Variants in RANBP17 observed in about 807,000 individuals in gnomAD.
The protein encoded by RANBP17 is ran-binding protein 17.
RANBP17 carries 158 observed loss-of-function variants against 141.2 expected under a neutral mutation model. That is an observed-to-expected ratio of 1.12 (90% CI 0.98 to 1.28). The LOEUF (loss-of-function observed/expected upper bound fraction) is 1.28. Ranked by LOEUF, RANBP17 falls within the 50% of genes most tolerant of loss-of-function variation. RANBP17 has a pLI of 0.00. For missense variants in RANBP17, 1,438 were observed against 1,290.7 expected (o/e 1.11, Z -1.75); for synonymous variants, 430 against 450.0 (o/e 0.96, Z 0.56).
At chr5:170,972,816 GC>G (rs766436364) in intron 14 of RANBP17, among the ~76,000 whole-genome samples, 21 of 152,036 alleles carry the variant, frequency 1.4e-4, no homozygotes, top group Non-Finnish European at 2.9e-4. Context: ...CTCTCCCCCA[GC>G]CAGGGTAGGT....
intron 14 of RANBP17, among the ~76,000 whole-genome samples, chr5:171,120,178 C>G (rs1476507153): frequency 1.3e-5 from 2 of 152,130 alleles, no homozygotes; most frequent in Admixed American, 1.3e-4. Flanking sequence ...GTCTCTCTCT[C>G]TACGTGCTGA....
At chr5:170,985,722 A>T (rs999205628) in intron 14 of RANBP17, among the ~76,000 whole-genome samples, 6 of 152,174 alleles carry the variant, frequency 3.9e-5, no homozygotes, top group Non-Finnish European at 8.8e-5. Context: ...GAAGGATGTC[A>T]TGCTATTGTA....
At chr5:171,194,912 A>T (rs1761872196) in intron 18 of RANBP17, among the ~76,000 whole-genome samples, 1 of 152,232 alleles carries the variant, frequency 6.6e-6, no homozygotes, top group Non-Finnish European at 1.5e-5. Context: ...CAACATACTA[A>T]AACAGTTACT....
At chr5:171,003,781 A>G (rs1259457632) in intron 14 of RANBP17, among the ~76,000 whole-genome samples, 1 of 152,188 alleles carries the variant, frequency 6.6e-6, no homozygotes, top group South Asian at 2.1e-4. Context: ...AGCCCAGGTA[A>G]GCTACTGGGA....
intron 22 of RANBP17, among the ~76,000 whole-genome samples, chr5:171,224,502 T>C (rs1763776891): frequency 6.6e-6 from 1 of 152,240 alleles, no homozygotes; most frequent in South Asian, 2.1e-4. Flanking sequence ...AAAAGGATTC[T>C]CACAGAATAA....
At chr5:171,205,859 C>A in intron 20 of RANBP17, 1 of 570,538 alleles carries the variant, frequency 1.8e-6, no homozygotes, top group Non-Finnish European at 3.2e-6. Context: ...ATGACTTCCC[C>A]CAAATGATTG....
intron 13 of RANBP17, among the ~76,000 whole-genome samples, chr5:170,961,077 C>T (rs538751303): frequency 2.4e-4 from 25 of 102,742 alleles, no homozygotes; most frequent in African/African-American, 7.1e-4. Flanking sequence ...CACATGCTTT[C>T]CTTTTTGTCG....
chr5:171,217,190 C>T (rs1252498756), intron 21 of RANBP17, among the ~76,000 whole-genome samples: 1 of 152,056 alleles, frequency 6.6e-6, no homozygotes, highest in Non-Finnish European at 1.5e-5. Flanking sequence ...GTTATTGGTT[C>T]TGTTTATGTG....
intron 14 of RANBP17, among the ~76,000 whole-genome samples, chr5:171,121,297 AG>A (rs373655034): frequency 5.9e-5 from 9 of 152,314 alleles, no homozygotes; most frequent in Non-Finnish European, 8.8e-5. Context: ...CACCAGTCTG[AG>A]GGCATGTGTG....
rs576012947 is a variant in RANBP17 at position 171,177,726 on chromosome 5, G to A, written c.1866-5441G>A. Among the ~76,000 whole-genome samples the A allele has an allele frequency of 8.1e-4, 123 of 151,982 alleles. No homozygotes were observed. In the Middle Eastern group the frequency reaches 0.01, roughly 13 times the overall value. ...TTCCCTTCATTTTCTTTCAAGTCGT[G>A]GTTTATTTTTCTTAATGTTTGTGAA... On this transcript the variant is annotated intron_variant, in intron 16 of 27. Transcript: ENST00000523189.
chr5:171,253,018 C>A, intron 24 of RANBP17: 1 of 1,107,292 alleles, frequency 9.0e-7, no homozygotes, highest in Non-Finnish European at 1.4e-6. Context: ...ATACTTTCTG[C>A]CGCATTTCTT....
In RANBP17 at chr5:170,918,812, C is replaced by T. The variant is rs1450311249; in HGVS notation, c.1054C>T (p.Pro352Ser). 6.3e-7 allele frequency: 1 copy of T among 1,596,646 alleles called. No homozygotes were observed. The highest frequency in any genetic ancestry group is 1.1e-5 in the South Asian group (1 of 88,848). The change falls in exon 10 of 28, where the codon CCT becomes TCT. Residue 352 changes from proline to serine, a missense_variant. Coordinates refer to ENST00000523189, the MANE Select transcript of RANBP17 (RefSeq NM_022897.5). ...AGAATTAGTTATGGTGAAGGAATAT[C>T]CTGAAGTTATTAGATTGATTGCTAA... ...LGELVMVKEY[P>S]EVIRLIANFT...
At chr5:171,041,044 C>A (rs1015321889) in intron 14 of RANBP17, among the ~76,000 whole-genome samples, 1 of 151,978 alleles carries the variant, frequency 6.6e-6, no homozygotes, top group Non-Finnish European at 1.5e-5. Flanking sequence ...GGCTTGCTCA[C>A]GTAACTGTTA....
chr5:171,258,919 C>G (rs1006101792), intron 24 of RANBP17, among the ~76,000 whole-genome samples: 1 of 152,034 alleles, frequency 6.6e-6, no homozygotes, highest in South Asian at 2.1e-4. Flanking sequence ...AAAGAAATAA[C>G]CAACAGAGTA....
intron 14 of RANBP17, among the ~76,000 whole-genome samples, chr5:171,151,425 T>A (rs1247791018): frequency 1.3e-5 from 2 of 152,216 alleles, no homozygotes; most frequent in Admixed American, 6.5e-5. Flanking sequence ...CTTAAATATA[T>A]GTTAATTTCA....
chr5:170,903,766 ACTTC>A (rs1770855082), intron 5 of RANBP17: 1 of 338,786 alleles, frequency 3.0e-6, no homozygotes, highest in African/African-American at 2.2e-5. Flanking sequence ...ACTGTAGACG[ACTTC>A]AAGTGCTGTG....
At chr5:171,055,004 A>G (rs941190564) in intron 14 of RANBP17, among the ~76,000 whole-genome samples, 13 of 152,202 alleles carry the variant, frequency 8.5e-5, no homozygotes, top group African/African-American at 3.1e-4. Context: ...CTGGAAGACT[A>G]ATAAGTGTTC....
chr5:171,008,665 G>A (rs1286997363), intron 14 of RANBP17, among the ~76,000 whole-genome samples: 1 of 152,148 alleles, frequency 6.6e-6, no homozygotes, highest in Non-Finnish European at 1.5e-5. Context: ...TTAAGGGTGG[G>A]GAAGATTACA....
At chr5:171,271,069 TTATTTC>T (rs1767073681) in intron 25 of RANBP17, 1 of 70,730 alleles carries the variant, frequency 1.4e-5, no homozygotes, top group Admixed American at 2.2e-4. Flanking sequence ...CCTTTTTATG[TTATTTC>T]TTTTTTTTTT....
Sources: gnomAD v4.1 joint callset for allele counts (sites outside exome capture counted in the v4.1 genomes callset) on GRCh38, gnomAD v4.1.1 for gene constraint, MANE v1.5 for transcripts, NCBI Gene and HGNC (gene_info 2026-07-23, HGNC 2026-07-21) for gene names.